Variants in KCNH7 observed in about 807,000 individuals in gnomAD.
KCNH7 encodes the protein potassium voltage-gated channel subfamily H member 7.
In KCNH7, 49 loss-of-function variants were observed where a neutral mutation model predicts 120.8. The observed-to-expected ratio is 0.41, with a 90% CI of 0.32 to 0.51. The LOEUF (loss-of-function observed/expected upper bound fraction) is 0.51, where lower values mean the gene tolerates loss of function less well. Among genes scored for constraint, KCNH7 ranks in the 20% least tolerant of loss-of-function variants. The pLI is 0.38. For synonymous variants in KCNH7, 547 were observed against 516.1 expected, an observed-to-expected ratio of 1.06 and a Z score of -0.81; for missense variants, 1,097 against 1,446.6, an observed-to-expected ratio of 0.76 and a Z score of 3.92.
intron 6 of KCNH7, among the ~76,000 whole-genome samples, chr2:162,469,852 G>A (rs559707248): frequency 0.013 from 1,969 of 152,056 alleles, 46 homozygotes; most frequent in African/African-American, 0.045. Flanking sequence ...GATTGCAGGC[G>A]CGCGCCGCCA....
chr2:162,651,394 C>A (rs1296090865), intron 2 of KCNH7, among the ~76,000 whole-genome samples: 2 of 151,834 alleles, frequency 1.3e-5, no homozygotes, highest in African/African-American at 4.8e-5. Context: ...GCCTCAGTGT[C>A]TGTTGTTCCC....
chr2:162,819,490 T>C (rs1311771152), intron 2 of KCNH7, among the ~76,000 whole-genome samples: 15 of 152,170 alleles, frequency 9.9e-5, no homozygotes, highest in Admixed American at 9.8e-4. Flanking sequence ...GAGGGTTCAT[T>C]GTAATATGTT....
At chr2:162,606,161 C>T (rs1322279339) in intron 2 of KCNH7, among the ~76,000 whole-genome samples, 1 of 152,064 alleles carries the variant, frequency 6.6e-6, no homozygotes, top group Non-Finnish European at 1.5e-5. Context: ...TAAATCTCCC[C>T]TTAAATTCTA....
chr2:162,456,593 G>A (rs1436595131), intron 6 of KCNH7, among the ~76,000 whole-genome samples: 3 of 152,026 alleles, frequency 2.0e-5, no homozygotes, highest in African/African-American at 7.2e-5. Context: ...GTCTAATATT[G>A]AGAGTGGGGT....
intron 2 of KCNH7, among the ~76,000 whole-genome samples, chr2:162,747,959 G>GCAGCCCCTTTATGGTTTA (rs1237440029): frequency 6.6e-6 from 1 of 152,048 alleles, no homozygotes; most frequent in South Asian, 2.1e-4. Context: ...GGCTTTCTTG[G>GCAGCCCCTTTATGGTTTA]CAGCCCCTTT....
chr2:162,411,857 T>C (rs973543405), intron 9 of KCNH7, among the ~76,000 whole-genome samples: 10 of 152,042 alleles, frequency 6.6e-5, no homozygotes, highest in Non-Finnish European at 1.3e-4. Context: ...TAGTTGCTAT[T>C]AAAAATAGAA....
chr2:162,675,211 C>G (rs750106522), intron 2 of KCNH7, among the ~76,000 whole-genome samples: 1 of 151,238 alleles, frequency 6.6e-6, no homozygotes, highest in African/African-American at 2.4e-5. Flanking sequence ...CACTAAAATA[C>G]TAAGAGATGA....
At chr2:162,491,729 C>A (rs1046094765) in intron 6 of KCNH7, among the ~76,000 whole-genome samples, 5 of 152,094 alleles carry the variant, frequency 3.3e-5, no homozygotes, top group Non-Finnish European at 7.3e-5. Flanking sequence ...GAATGGGACA[C>A]CATTATTTCT....
chr2:162,833,395 T>G (rs188278685), intron 2 of KCNH7, among the ~76,000 whole-genome samples: 59 of 152,286 alleles, frequency 3.9e-4, no homozygotes, highest in African/African-American at 1.2e-3. Flanking sequence ...TGTTTTTAAA[T>G]GAATGTATTA....
chr2:162,391,320 T>C (rs549097204), intron 12 of KCNH7, among the ~76,000 whole-genome samples: 1 of 152,120 alleles, frequency 6.6e-6, no homozygotes. Context: ...ATATTGACGC[T>C]ACATCAAGAA....
At chr2:162,520,153 G>C (rs1055644103) in intron 3 of KCNH7, among the ~76,000 whole-genome samples, 4 of 137,988 alleles carry the variant, frequency 2.9e-5, no homozygotes, top group Middle Eastern at 3.7e-3. Context: ...TCCAAGCCCA[G>C]GCTTTTTTTT....
intron 6 of KCNH7, among the ~76,000 whole-genome samples, chr2:162,448,531 G>A (rs183107097): frequency 1.3e-5 from 2 of 152,084 alleles, no homozygotes; most frequent in East Asian, 3.9e-4. Flanking sequence ...CATAAAAAAG[G>A]CGTGTAGTCA....
chr2:162,421,059 A>G (rs963004926), intron 9 of KCNH7, among the ~76,000 whole-genome samples: 1 of 152,154 alleles, frequency 6.6e-6, no homozygotes, highest in African/African-American at 2.4e-5. Context: ...GTTCAGAGTT[A>G]TCTTGCAGTT....
At chr2:162,746,532 A>G (rs1194977029) in intron 2 of KCNH7, among the ~76,000 whole-genome samples, 1 of 152,120 alleles carries the variant, frequency 6.6e-6, no homozygotes, top group African/African-American at 2.4e-5. Context: ...ACACTGCCAG[A>G]CTTTACACTT....
intron 5 of KCNH7, 51 bp downstream of exon 5, chr2:162,512,603 G>T (rs368343558): frequency 1.3e-6 from 2 of 1,559,518 alleles, no homozygotes; most frequent in Admixed American, 3.4e-5. Flanking sequence ...AACATGCCGA[G>T]TAAAGGGGCA....
intron 2 of KCNH7, among the ~76,000 whole-genome samples, chr2:162,717,616 G>C (rs1687174025): frequency 6.6e-6 from 1 of 152,044 alleles, no homozygotes; most frequent in Non-Finnish European, 1.5e-5. Context: ...GGACTTTCTT[G>C]ATTAAGTTGG....
chr2:162,387,130 A>C (rs545325473), intron 12 of KCNH7, among the ~76,000 whole-genome samples: 73 of 150,698 alleles, frequency 4.8e-4, no homozygotes, highest in East Asian at 1.4e-3. Context: ...AGAAAAAAAA[A>C]CCCACCTTTA....
intron 2 of KCNH7, among the ~76,000 whole-genome samples, chr2:162,705,331 T>G (rs1686659267): frequency 6.6e-6 from 1 of 152,122 alleles, no homozygotes; most frequent in Non-Finnish European, 1.5e-5. Context: ...TTTTAAAGTA[T>G]TTAAAAAGTA....
intron 12 of KCNH7, among the ~76,000 whole-genome samples, chr2:162,388,656 C>T (rs1311237248): frequency 6.6e-6 from 1 of 151,772 alleles, no homozygotes; most frequent in Non-Finnish European, 1.5e-5. Flanking sequence ...TCTAATAAAA[C>T]CAGAATAGAA....
Sources: allele counts gnomAD v4.1 joint callset (sites outside exome capture counted in the v4.1 genomes callset), GRCh38; gene constraint gnomAD v4.1.1; transcripts MANE v1.5; gene names NCBI Gene and HGNC (gene_info 2026-07-23, HGNC 2026-07-21).